ITPR1: variants seen among roughly 807,000 people sequenced by gnomAD.
ITPR1 encodes the protein inositol 1,4,5-trisphosphate receptor type 1, also known as inositol 1,4,5-trisphosphate-gated calcium channel ITPR1.
In ITPR1, 96 loss-of-function variants were observed where a neutral mutation model predicts 318.4. The ratio of observed to expected loss-of-function variants is 0.30; its 90% CI spans 0.26 to 0.36. The LOEUF (loss-of-function observed/expected upper bound fraction) is 0.36. Ranked by LOEUF, ITPR1 falls within the 10% of genes least tolerant of loss-of-function variation. ITPR1 has a pLI of 1.00. For synonymous variants in ITPR1, 1,312 were observed against 1,289.9 expected, an observed-to-expected ratio of 1.02 and a Z score of -0.37; for missense variants, 2,440 against 3,460.2, an observed-to-expected ratio of 0.71 and a Z score of 7.40.
chr3:4,831,023 G>A, intron 60 of ITPR1: 1 of 454,592 alleles, frequency 2.2e-6, no homozygotes, highest in South Asian at 1.6e-5. Flanking sequence ...TTGAACCTGG[G>A]AAGAAAAAAA....
intron 2 of ITPR1, among the ~76,000 whole-genome samples, chr3:4,515,164 A>G (rs2082091825): frequency 6.6e-6 from 1 of 152,210 alleles, no homozygotes; most frequent in Non-Finnish European, 1.5e-5. Flanking sequence ...GCAGCTTCTC[A>G]TAAGCAGTGA....
At chr3:4,562,737 A>G (rs977966215) in intron 4 of ITPR1, among the ~76,000 whole-genome samples, 1 of 152,136 alleles carries the variant, frequency 6.6e-6, no homozygotes, top group African/African-American at 2.4e-5. Flanking sequence ...ATTAAAAAAA[A>G]AAAAAATCAA....
At chr3:4,551,178 C>G (rs142397796) in intron 4 of ITPR1, among the ~76,000 whole-genome samples, 222 of 152,334 alleles carry the variant, frequency 1.5e-3, no homozygotes, top group African/African-American at 5.2e-3. Context: ...AGTGCCTTTT[C>G]TGCAACATGT....
At chr3:4,610,902 C>T (rs2092037788) in intron 4 of ITPR1, among the ~76,000 whole-genome samples, 1 of 111,430 alleles carries the variant, frequency 9.0e-6, no homozygotes, top group Non-Finnish European at 1.9e-5. Context: ...CCCCTTCCCC[C>T]CCTTCTCCTT....
intron 4 of ITPR1, among the ~76,000 whole-genome samples, chr3:4,572,685 C>T (rs1199125171): frequency 6.6e-6 from 1 of 152,176 alleles, no homozygotes; most frequent in Non-Finnish European, 1.5e-5. Context: ...GACAGATCTC[C>T]AGAACTTTTT....
At chr3:4,522,794 C>T (rs1319781983) in intron 4 of ITPR1, among the ~76,000 whole-genome samples, 2 of 152,236 alleles carry the variant, frequency 1.3e-5, no homozygotes, top group African/African-American at 4.8e-5. Context: ...ACTCTGCCTG[C>T]ATTAGCTCAG....
At position 4,663,074 on chromosome 3, in the gene ITPR1, C is replaced by T; in HGVS notation, c.1422C>T (p.Thr474=). 6.2e-7 allele frequency: 1 copy of T among 1,613,558 alleles called. No homozygotes were observed. Among genetic ancestry groups the T allele is most frequent in the African/African-American group, 1.3e-5 (1 of 74,994 alleles). The part of the protein sequence containing the change: ...TITQNERRSV[T]KLLEDLVYFV... Reference sequence around the variant, plus strand: ...CGTCTTTCCTCCTAAGGTCTGTAACCAAGCTGCTAGAAGATTTGGTTTACT... The same window carrying T: ...CGTCTTTCCTCCTAAGGTCTGTAACTAAGCTGCTAGAAGATTTGGTTTACT... Residue 474 remains threonine, a synonymous_variant, in exon 16 of 62, where the codon ACC becomes ACT. Coordinates refer to ENST00000649015, the MANE Select transcript of ITPR1 (RefSeq NM_001378452.1).
At chr3:4,664,694 T>G (rs1375763276) in intron 16 of ITPR1, among the ~76,000 whole-genome samples, 3 of 152,250 alleles carry the variant, frequency 2.0e-5, no homozygotes, top group Non-Finnish European at 4.4e-5. Context: ...CCTTCATTGA[T>G]TACTTGTGCT....
At chr3:4,546,157 T>A (rs1050601800) in intron 4 of ITPR1, among the ~76,000 whole-genome samples, 4 of 152,088 alleles carry the variant, frequency 2.6e-5, no homozygotes, top group African/African-American at 9.7e-5. Context: ...ATCATGATAA[T>A]GATGTAAATT....
chr3:4,796,278 C>G (rs2047891472), intron 53 of ITPR1, among the ~76,000 whole-genome samples: 1 of 143,138 alleles, frequency 7.0e-6, no homozygotes, highest in African/African-American at 2.7e-5. Flanking sequence ...AAAGTACAAT[C>G]TAAACACAAG....
intron 42 of ITPR1, among the ~76,000 whole-genome samples, chr3:4,728,599 A>G (rs1025722259): frequency 2.8e-4 from 42 of 152,168 alleles, no homozygotes; most frequent in Non-Finnish European, 3.7e-4. Context: ...AAACAATCCA[A>G]TTACACTCTT....
At chr3:4,669,092 G>A (rs971874947) in intron 18 of ITPR1, among the ~76,000 whole-genome samples, 24 of 152,136 alleles carry the variant, frequency 1.6e-4, no homozygotes, top group African/African-American at 5.3e-4. Flanking sequence ...AAAATAACCC[G>A]CATTTTCTGG....
intron 4 of ITPR1, among the ~76,000 whole-genome samples, chr3:4,525,256 C>A (rs936752345): frequency 6.6e-6 from 1 of 152,094 alleles, no homozygotes; most frequent in South Asian, 2.1e-4. Context: ...CCATCCTTAT[C>A]AAGATAATAT....
chr3:4,716,860 C>G (rs2041803214), intron 39 of ITPR1, among the ~76,000 whole-genome samples: 1 of 152,130 alleles, frequency 6.6e-6, no homozygotes, highest in African/African-American at 2.4e-5. Context: ...TCCACAGGAC[C>G]AGGCTGGGGA....
chr3:4,663,589 C>A (rs114548823), intron 16 of ITPR1, among the ~76,000 whole-genome samples: 212 of 152,298 alleles, frequency 1.4e-3, no homozygotes, highest in Non-Finnish European at 2.6e-3. Context: ...TGGCCTCCCC[C>A]ACTACCGACA....
chr3:4,684,884 C>T (rs964902768), intron 29 of ITPR1, among the ~76,000 whole-genome samples, 185 bp from the exon 30 acceptor site: 3 of 152,208 alleles, frequency 2.0e-5, no homozygotes, highest in East Asian at 1.9e-4. Flanking sequence ...TTCTGGAAGA[C>T]GTGACCTTAG....
intron 60 of ITPR1, among the ~76,000 whole-genome samples, chr3:4,833,321 G>A (rs551382722): frequency 1.1e-4 from 16 of 152,226 alleles, no homozygotes; most frequent in Admixed American, 9.8e-4. Flanking sequence ...TTAAACTTTC[G>A]GCTATGTGCA....
At chr3:4,777,188 C>A in intron 47 of ITPR1, 76 bp from the exon 48 acceptor site, 1 of 802,556 alleles carries the variant, frequency 1.2e-6, no homozygotes, top group Non-Finnish European at 2.1e-6. Flanking sequence ...GTTGAAATAG[C>A]AGTTCAGCCT....
In ITPR1 at chr3:4,741,698, C is replaced by T. The variant is rs142609734; in HGVS notation, c.5544+6344C>T. 2.5e-3 allele frequency among the ~76,000 whole-genome samples: 375 copies of T among 152,164 alleles called. 3 individuals are homozygous for T. Among genetic ancestry groups the T allele is most frequent in the African/African-American group, 8.3e-3 (344 of 41,490 alleles). On this transcript the variant is annotated intron_variant, in intron 44 of 61. Transcript: ENST00000649015. ...ACCCCAGTTAGCAAAGAGATGAGGG[C>T]GGAAAGGGCAATTTGATTTGCCTCT...
Sources: gnomAD v4.1 joint callset for allele counts (sites outside exome capture counted in the v4.1 genomes callset) on GRCh38, gnomAD v4.1.1 for gene constraint, MANE v1.5 for transcripts, NCBI Gene and HGNC (gene_info 2026-07-23, HGNC 2026-07-21) for gene names.